The following SLC24A2 variants were observed in gnomAD, a reference collection of about 807,000 sequenced individuals.
SLC24A2 encodes sodium/potassium/calcium exchanger 2.
Under a neutral mutation model 62.0 loss-of-function variants are expected in SLC24A2, and 36 were observed. The ratio of observed to expected loss-of-function variants is 0.58; its 90% CI spans 0.44 to 0.77. SLC24A2 has a LOEUF of 0.77. SLC24A2 is among the 30% of genes least tolerant of loss of function. SLC24A2 has a pLI of 0.00. For synonymous variants in SLC24A2, 358 were observed against 294.0 expected, an observed-to-expected ratio of 1.22 and a Z score of -2.23; for missense variants, 846 against 817.9, an observed-to-expected ratio of 1.03 and a Z score of -0.42.
the SLC24A2 span, among the ~76,000 whole-genome samples, chr9:20,053,784 C>A: frequency 6.6e-6 from 1 of 152,178 alleles, no homozygotes; most frequent in Non-Finnish European, 1.5e-5. Context: ...TTTCCAGCCT[C>A]TAGAAATATG....
the SLC24A2 span, among the ~76,000 whole-genome samples, chr9:20,300,581 C>T: frequency 6.6e-6 from 1 of 152,154 alleles, no homozygotes; most frequent in Non-Finnish European, 1.5e-5. Flanking sequence ...CTGTTTTTGA[C>T]ATCAAGTTGG....
the SLC24A2 span, among the ~76,000 whole-genome samples, chr9:19,802,847 A>T: frequency 2.3e-4 from 35 of 152,338 alleles, no homozygotes; most frequent in East Asian, 3.1e-3. Flanking sequence ...TTGAAATGTA[A>T]TTCCCAATGC....
At chr9:20,197,427 C>CTTTT in the SLC24A2 span, among the ~76,000 whole-genome samples, 198 of 93,142 alleles carry the variant, frequency 2.1e-3, 5 homozygotes, top group African/African-American at 5.2e-3. Flanking sequence ...CTCTCTCTCT[C>CTTTT]TTTTTTTTTT....
intron 10 of SLC24A2, among the ~76,000 whole-genome samples, chr9:19,519,033 A>G (rs1158996488): frequency 6.6e-6 from 1 of 152,206 alleles, no homozygotes; most frequent in East Asian, 1.9e-4. Context: ...AAACTCCCAT[A>G]GCAGAAAATT....
the SLC24A2 span, among the ~76,000 whole-genome samples, chr9:20,160,370 C>T: frequency 6.6e-6 from 1 of 151,354 alleles, no homozygotes; most frequent in Non-Finnish European, 1.5e-5. Flanking sequence ...TACTCTCATA[C>T]TGACCTGTCT....
chr9:20,204,346 T>C, the SLC24A2 span, among the ~76,000 whole-genome samples: 1 of 152,224 alleles, frequency 6.6e-6, no homozygotes, highest in Non-Finnish European at 1.5e-5. Flanking sequence ...TGCCACGTCT[T>C]CTGCATAATT....
chr9:19,788,585 T>C (rs1823248691), intron 1 of SLC24A2: 1 of 985,016 alleles, frequency 1.0e-6, no homozygotes. Context: ...CGCATCCCCC[T>C]GAGTCGTTTG....
the SLC24A2 span, among the ~76,000 whole-genome samples, chr9:20,011,015 G>A: frequency 6.6e-6 from 1 of 152,042 alleles, no homozygotes; most frequent in Non-Finnish European, 1.5e-5. Context: ...ATCATTGTTG[G>A]ACATTTGGGT....
chr9:20,145,038 C>A, the SLC24A2 span, among the ~76,000 whole-genome samples: 1 of 152,114 alleles, frequency 6.6e-6, no homozygotes, highest in African/African-American at 2.4e-5. Context: ...GCAGCAACTA[C>A]TTATCAAGTA....
the SLC24A2 span, among the ~76,000 whole-genome samples, chr9:19,990,622 A>AC: frequency 0.49 from 71,037 of 144,248 alleles, 18,357 homozygotes; most frequent in Non-Finnish European, 0.56. Context: ...AAAACAAAAA[A>AC]AAAAAAACAA....
intron 2 of SLC24A2, among the ~76,000 whole-genome samples, chr9:19,722,499 A>G (rs115707789): frequency 0.021 from 3,176 of 152,188 alleles, 120 homozygotes; most frequent in African/African-American, 0.072. Flanking sequence ...TTGGTTTGTA[A>G]TTCTGATGGT....
chr9:19,697,644 T>C (rs925713958), intron 2 of SLC24A2, among the ~76,000 whole-genome samples: 2 of 152,216 alleles, frequency 1.3e-5, no homozygotes, highest in Non-Finnish European at 2.9e-5. Context: ...TTTGTCATTT[T>C]AGAAATATTG....
At chr9:19,776,939 C>T (rs1473272530) in intron 2 of SLC24A2, among the ~76,000 whole-genome samples, 2 of 152,140 alleles carry the variant, frequency 1.3e-5, no homozygotes, top group African/African-American at 2.4e-5. Context: ...GGTACAGAAT[C>T]CCCCTTAGGT....
chr9:19,743,499 G>T (rs1587255404), intron 2 of SLC24A2, among the ~76,000 whole-genome samples: 1 of 152,090 alleles, frequency 6.6e-6, no homozygotes. Flanking sequence ...CTAGGTTAGG[G>T]GACAGAATGG....
chr9:20,089,896 C>T, the SLC24A2 span, among the ~76,000 whole-genome samples: 1 of 152,062 alleles, frequency 6.6e-6, no homozygotes, highest in East Asian at 1.9e-4. Flanking sequence ...CAACCCCAAG[C>T]TCACACTGGT....
the SLC24A2 span, among the ~76,000 whole-genome samples, chr9:19,893,838 T>G: frequency 6.6e-6 from 1 of 152,170 alleles, no homozygotes; most frequent in Non-Finnish European, 1.5e-5. Flanking sequence ...AAATTGCACC[T>G]CATGTTTCTC....
At chr9:19,638,596 CA>C (rs34646280) in intron 2 of SLC24A2, among the ~76,000 whole-genome samples, 1 of 151,884 alleles carries the variant, frequency 6.6e-6, no homozygotes, top group African/African-American at 2.4e-5. Flanking sequence ...GAGTATAATT[CA>C]AAAGGGTAAA....
chr9:19,730,975 T>C (rs1821317873), intron 2 of SLC24A2, among the ~76,000 whole-genome samples: 1 of 152,160 alleles, frequency 6.6e-6, no homozygotes, highest in African/African-American at 2.4e-5. Context: ...GTCACACTTT[T>C]CAGTTCATTT....
chr9:19,929,362 C>G, the SLC24A2 span: 1 of 152,178 alleles, frequency 6.6e-6, no homozygotes, highest in African/African-American at 2.4e-5. Flanking sequence ...CTGAATTTGT[C>G]TTAAATAGGC....
Sources: gnomAD v4.1 joint callset for allele counts (sites outside exome capture counted in the v4.1 genomes callset) on GRCh38, gnomAD v4.1.1 for gene constraint, MANE v1.5 for transcripts, NCBI Gene and HGNC (gene_info 2026-07-23, HGNC 2026-07-21) for gene names.